Variants in SLC26A3 observed in about 807,000 individuals in gnomAD.
SLC26A3 encodes the protein solute carrier family 26 member 3.
In SLC26A3, 64 loss-of-function variants were observed where a neutral mutation model predicts 85.6. That is an observed-to-expected ratio of 0.75 (90% confidence interval 0.61 to 0.92). The LOEUF (loss-of-function observed/expected upper bound fraction) is 0.92, where lower values mean the gene tolerates loss of function less well. Ranked by LOEUF, SLC26A3 falls within the 40% of genes least tolerant of loss-of-function variation. SLC26A3 has a pLI of 0.00. For missense variants in SLC26A3, 922 were observed against 927.3 expected (o/e 0.99, Z 0.07); for synonymous variants, 349 against 336.0 (o/e 1.04, Z -0.42).
chr7:107,788,331 C>T (rs78323145), intron 6 of SLC26A3, among the ~76,000 whole-genome samples: 9,214 of 152,220 alleles, frequency 0.061, 406 homozygotes, highest in Non-Finnish European at 0.094. Context: ...AAAAGCTTTA[C>T]CATTTTGTCC....
intron 18 of SLC26A3, among the ~76,000 whole-genome samples, chr7:107,769,731 T>C (rs772738279): frequency 5.3e-5 from 8 of 152,276 alleles, no homozygotes; most frequent in Non-Finnish European, 1.0e-4. Flanking sequence ...ACTTAAAAGT[T>C]TTTTTTAAAA....
intron 17 of SLC26A3, among the ~76,000 whole-genome samples, chr7:107,773,349 A>G (rs1266446905): frequency 6.6e-6 from 1 of 152,218 alleles, no homozygotes; most frequent in African/African-American, 2.4e-5. Context: ...TTTGAAAGGA[A>G]TGTGAGCATA....
At chr7:107,772,784 A>G (rs1272380723) in intron 17 of SLC26A3, among the ~76,000 whole-genome samples, 1 of 152,130 alleles carries the variant, frequency 6.6e-6, no homozygotes, top group African/African-American at 2.4e-5. Flanking sequence ...GTGAGTGAAA[A>G]TGCAGAAACA....
intron 7 of SLC26A3, 60 bp from the exon 8 acceptor site, chr7:107,786,969 G>C: frequency 7.0e-7 from 1 of 1,434,758 alleles, no homozygotes; most frequent in Admixed American, 1.7e-5. Context: ...GTCTTGCTTT[G>C]AAGAAAAATA....
intron 1 of SLC26A3, among the ~76,000 whole-genome samples, chr7:107,798,567 T>G (rs930731281): frequency 1.3e-5 from 2 of 152,166 alleles, no homozygotes; most frequent in African/African-American, 4.8e-5. Context: ...AAGATGCTGA[T>G]GAGCGGTGCT....
chr7:107,767,952 T>C, intron 18 of SLC26A3, 44 bp from the exon 19 acceptor site: 1 of 1,585,312 alleles, frequency 6.3e-7, no homozygotes, highest in Middle Eastern at 1.7e-4. Context: ...AACAATTGTT[T>C]GGCTACCGGT....
At chr7:107,782,677 A>G in intron 11 of SLC26A3, 120 bp downstream of exon 11, 1 of 938,118 alleles carries the variant, frequency 1.1e-6, no homozygotes. Context: ...GGCTAAGAAG[A>G]GTACTTGAGA....
chr7:107,772,720 C>T (rs896232654), intron 17 of SLC26A3, among the ~76,000 whole-genome samples: 1 of 152,020 alleles, frequency 6.6e-6, no homozygotes, highest in Non-Finnish European at 1.5e-5. Flanking sequence ...AGAATTAGAG[C>T]CCCTGTCCTT....
chr7:107,791,310 C>T (rs1794397960), intron 4 of SLC26A3, 75 bp from the exon 5 acceptor site: 1 of 1,474,436 alleles, frequency 6.8e-7, no homozygotes, highest in Admixed American at 1.7e-5. Context: ...CAGAATAAGA[C>T]CATATAAAAT....
chr7:107,782,653 TCATA>T (rs1794230852), intron 11 of SLC26A3, 140 bp downstream of exon 11: 1 of 823,726 alleles, frequency 1.2e-6, no homozygotes, highest in East Asian at 2.5e-5. Flanking sequence ...TATTTTTGGC[TCATA>T]CAGAGTATTG....
intron 20 of SLC26A3, among the ~76,000 whole-genome samples, chr7:107,766,100 G>A: frequency 6.6e-6 from 1 of 152,116 alleles, no homozygotes; most frequent in East Asian, 1.9e-4. Flanking sequence ...ACAGTGTGTT[G>A]TAGCAATATC....
In SLC26A3 at chr7:107,779,762, GACT is replaced by G; in HGVS notation, c.1312-2_1312del. 1 of 1,613,402 alleles carries G rather than the reference GACT, an allele frequency of 6.2e-7. No homozygotes were observed. Among genetic ancestry groups the G allele is most frequent in the Non-Finnish European group, 8.5e-7 (1 of 1,179,434 alleles). ...TCCCAATGCTAAAGCTGCCAGGACG[GACT>G]GTGAAAAACACAAACATCAGATGTA... On this transcript the variant is annotated splice_acceptor_variant and coding_sequence_variant, in exon 12 of 21. Coordinates refer to ENST00000340010, the MANE Select transcript of SLC26A3 (RefSeq NM_000111.3). LOFTEE classifies it high-confidence loss of function.
rs755990821 is a variant in SLC26A3 at position 107,774,084 on chromosome 7, C to T, written c.1843G>A (p.Val615Ile). 23 of 1,614,048 alleles carry T rather than the reference C, an allele frequency of 1.4e-5. No homozygotes were observed. In the East Asian group the frequency reaches 5.1e-4, roughly 36 times the overall value. ...DEELDNNQIEVLDQPINTTDL... is the reference protein window; with the variant it reads ...DEELDNNQIEILDQPINTTDL... The stretch of plus-strand genomic sequence containing the variant: ...GTGGTATTGATTGGCTGGTCCAGTA[C>T]TTCTATCTGATTGTTGTCCAGCTCT... The change falls in exon 17 of 21, where the codon GTA (valine) becomes ATA (isoleucine). Residue 615 changes from valine to isoleucine, a missense_variant. Coordinates refer to ENST00000340010, the MANE Select transcript of SLC26A3 (RefSeq NM_000111.3).
In SLC26A3 at chr7:107,791,206, C is replaced by T; in HGVS notation, c.412G>A (p.Gly138Arg). The change falls in exon 5 of 21, where the codon GGA becomes AGA. Residue 138 changes from glycine (G) to arginine (R), a missense_variant. Physicochemically the swap from Gly to Arg is moderately radical, Grantham distance 125 (BLOSUM62 -2). Transcript: ENST00000340010. ...GPFPILSMMV[G>R]LAVSGAVSKA... ...GAAACTGCTCCTGAAACTGCTAGTC[C>T]CACCATCATACTCAGAATCGGAAAC... 1 of 1,614,156 alleles carries T rather than the reference C, an allele frequency of 6.2e-7. No individual in the cohort carries two copies. The highest frequency in any genetic ancestry group is 8.5e-7 in the Non-Finnish European group (1 of 1,180,024).
Position 107,787,403 on chromosome 7 carries a change from C to A in SLC26A3, c.842G>T (p.Arg281Leu), listed in dbSNP as rs764340501. Residue 281 changes from arginine to leucine, a missense_variant, in exon 7 of 21, where the codon CGC (arginine) becomes CTC (leucine). Transcript: ENST00000340010. ...GGGCACTGGAAGTTTGTCTTTGAAG[C>A]GCTGATTTATTTCTTTAACAATGGA... Reference protein sequence around the residue: ...VVSIVKEINQRFKDKLPVPIP... With the variant: ...VVSIVKEINQLFKDKLPVPIP... 1.2e-6 allele frequency: 2 copies of A among 1,613,976 alleles called. No individual in the cohort carries two copies. The highest frequency in any genetic ancestry group is 3.3e-5 in the Admixed American group (2 of 60,006).
intron 1 of SLC26A3, among the ~76,000 whole-genome samples, chr7:107,800,723 C>G (rs985213371): frequency 8.0e-6 from 1 of 124,308 alleles, no homozygotes; most frequent in African/African-American, 3.3e-5. Context: ...GACCTAAACT[C>G]CAAAGTTTAC....
chr7:107,782,848 G>C lies in SLC26A3; in HGVS notation c.1260C>G (p.Ile420Met), dbSNP rs759616448. 7.4e-6 allele frequency: 12 copies of C among 1,614,116 alleles called. No individual in the cohort carries two copies. The highest frequency in any genetic ancestry group is 1.0e-5 in the Non-Finnish European group (12 of 1,179,996). The change falls in exon 11 of 21, where the codon ATC (isoleucine) becomes ATG (methionine). Residue 420 changes from isoleucine (I) to methionine (M), a missense_variant. Physicochemically the swap from Ile to Met is conservative, Grantham distance 10 (BLOSUM62 1). Coordinates refer to ENST00000340010, the MANE Select transcript of SLC26A3 (RefSeq NM_000111.3). ...CAATGGCTAGAACGACAATCAGCAC[G>C]ATGATGGCACCAATAAGCCCAGCAA... is the stretch of plus-strand genomic sequence containing the variant. ...TQIAGLIGAIIVLIVVLAIGF... is the reference protein window; with the variant it reads ...TQIAGLIGAIMVLIVVLAIGF...
intron 4 of SLC26A3, 30 bp from the exon 5 acceptor site, chr7:107,791,265 T>C (rs1794396803): frequency 1.3e-6 from 2 of 1,597,394 alleles, no homozygotes; most frequent in Middle Eastern, 1.7e-4. Flanking sequence ...TCGTGGTCAG[T>C]ATATGCCTCT....
chr7:107,793,362 C>T (rs1794436216), intron 3 of SLC26A3, among the ~76,000 whole-genome samples: 1 of 152,046 alleles, frequency 6.6e-6, no homozygotes, highest in Non-Finnish European at 1.5e-5. Context: ...AACCGATGAG[C>T]AGATAAAAAA....
Sources: allele counts gnomAD v4.1 joint callset (sites outside exome capture counted in the v4.1 genomes callset), GRCh38; gene constraint gnomAD v4.1.1; transcripts MANE v1.5; gene names NCBI Gene and HGNC (gene_info 2026-07-23, HGNC 2026-07-21).